SLC44A5: variants seen among roughly 807,000 people sequenced by gnomAD.
SLC44A5 encodes choline transporter-like protein 5.
A neutral mutation model predicts 101.8 loss-of-function variants in SLC44A5; 57 were observed. The observed-to-expected ratio is 0.56, with a 90% CI of 0.45 to 0.70. SLC44A5 has a LOEUF of 0.70. SLC44A5 is among the 30% of genes least tolerant of loss of function. The pLI, the probability that SLC44A5 is intolerant of heterozygous loss-of-function variation, is 0.00. For synonymous variants in SLC44A5, 281 were observed against 290.9 expected (o/e 0.97, Z 0.35); for missense variants, 737 against 853.1 (o/e 0.86, Z 1.70).
chr1:75,451,140 G>A (rs1275403426), intron 2 of SLC44A5, among the ~76,000 whole-genome samples: 1 of 152,196 alleles, frequency 6.6e-6, no homozygotes, highest in Non-Finnish European at 1.5e-5. Flanking sequence ...GCTTGTGCCT[G>A]CCAGCAGGCG....
At chr1:75,252,140 T>C (rs1649630406) in intron 6 of SLC44A5, among the ~76,000 whole-genome samples, 1 of 152,152 alleles carries the variant, frequency 6.6e-6, no homozygotes, top group Non-Finnish European at 1.5e-5. Flanking sequence ...TGTCTAGATA[T>C]TGGGCCCAGG....
intron 2 of SLC44A5, among the ~76,000 whole-genome samples, chr1:75,501,868 T>A (rs1315573961): frequency 6.6e-6 from 1 of 152,216 alleles, no homozygotes; most frequent in Non-Finnish European, 1.5e-5. Flanking sequence ...AAAACAGCGT[T>A]ATACAGCAAA....
At chr1:75,639,444 C>CAG in the SLC44A5 span, among the ~76,000 whole-genome samples, 1 of 152,078 alleles carries the variant, frequency 6.6e-6, no homozygotes, top group Non-Finnish European at 1.5e-5. Context: ...AGGGAAAATA[C>CAG]TACCTCTCTC....
intron 4 of SLC44A5, 103 bp from the exon 5 acceptor site, chr1:75,300,788 G>A (rs886508942): frequency 7.5e-5 from 46 of 612,342 alleles, no homozygotes; most frequent in Admixed American, 3.3e-4. Flanking sequence ...ATAGTGAGAT[G>A]TTATTTCATA....
At chr1:75,679,130 A>G in the SLC44A5 span, among the ~76,000 whole-genome samples, 1 of 152,196 alleles carries the variant, frequency 6.6e-6, no homozygotes, top group African/African-American at 2.4e-5. Flanking sequence ...CCAAATCTAC[A>G]TCTGATTGGT....
chr1:75,698,521 AC>A, the SLC44A5 span, among the ~76,000 whole-genome samples: 1 of 152,248 alleles, frequency 6.6e-6, no homozygotes, highest in Non-Finnish European at 1.5e-5. Flanking sequence ...ATCATCAAAG[AC>A]CAAAACTAGA....
chr1:75,462,780 T>G (rs1666577009), intron 2 of SLC44A5, among the ~76,000 whole-genome samples: 2 of 151,862 alleles, frequency 1.3e-5, no homozygotes, highest in Admixed American at 1.3e-4. Flanking sequence ...ATAACAGAAA[T>G]GATCAAGCAG....
intron 2 of SLC44A5, among the ~76,000 whole-genome samples, chr1:75,459,059 T>C (rs1243849817): frequency 6.6e-6 from 1 of 152,058 alleles, no homozygotes; most frequent in African/African-American, 2.4e-5. Context: ...AAAAAGATAT[T>C]GGTGAGGGAT....
chr1:75,634,907 C>T, the SLC44A5 span, among the ~76,000 whole-genome samples: 4 of 152,106 alleles, frequency 2.6e-5, no homozygotes, highest in East Asian at 1.9e-4. Context: ...GCAACTTACT[C>T]ATCTGACAAA....
At chr1:75,617,575 T>A in the SLC44A5 span, among the ~76,000 whole-genome samples, 15 of 152,228 alleles carry the variant, frequency 9.9e-5, no homozygotes, top group African/African-American at 3.4e-4. Flanking sequence ...CTTCATATAA[T>A]GTAATATATT....
chr1:75,375,984 C>T (rs558092296), intron 3 of SLC44A5, among the ~76,000 whole-genome samples: 63 of 152,224 alleles, frequency 4.1e-4, no homozygotes, highest in African/African-American at 1.3e-3. Flanking sequence ...GTGTGTGCAC[C>T]GTGTGCGAGC....
At chr1:75,442,792 G>A (rs1055044207) in intron 2 of SLC44A5, among the ~76,000 whole-genome samples, 1 of 152,086 alleles carries the variant, frequency 6.6e-6, no homozygotes, top group Non-Finnish European at 1.5e-5. Context: ...CTTGAATAAA[G>A]TTTCTTGACC....
At position 75,497,269 on chromosome 1, in the gene SLC44A5, TGCC is replaced by T. The variant is rs1668725557; in HGVS notation, c.13+44163_13+44165del. On this transcript the variant is annotated intron_variant, in intron 2 of 23. Transcript: ENST00000370859. ...TAGACTGATGAATGGGAAAAAAAATTGCCGTGTGTGTGTGTGGGTGTTTTATTC... is the reference window on the plus strand; with the variant it reads ...TAGACTGATGAATGGGAAAAAAAATTGTGTGTGTGTGTGGGTGTTTTATTC... Among the ~76,000 whole-genome samples the T allele has an allele frequency of 2.0e-5, 3 of 152,044 alleles. No individual in the cohort carries two copies. The Middle Eastern group carries it at 0.01, about 517-fold the overall frequency.
chr1:75,362,497 T>C (rs549790079), intron 3 of SLC44A5, among the ~76,000 whole-genome samples: 1 of 152,186 alleles, frequency 6.6e-6, no homozygotes, highest in African/African-American at 2.4e-5. Flanking sequence ...CATTTTCGTT[T>C]GTATCAAGGC....
the SLC44A5 span, among the ~76,000 whole-genome samples, chr1:75,684,716 C>T: frequency 1.3e-5 from 2 of 152,200 alleles, no homozygotes; most frequent in African/African-American, 4.8e-5. Context: ...GCCCCTGTGG[C>T]TCTGCAGAGT....
At chr1:75,337,336 C>T (rs921871774) in intron 4 of SLC44A5, among the ~76,000 whole-genome samples, 1 of 152,142 alleles carries the variant, frequency 6.6e-6, no homozygotes, top group Non-Finnish European at 1.5e-5. Flanking sequence ...CAAGGCAGTA[C>T]AGGAAGAGAA....
At chr1:75,482,212 C>A (rs1044580713) in intron 2 of SLC44A5, among the ~76,000 whole-genome samples, 1 of 150,218 alleles carries the variant, frequency 6.7e-6, no homozygotes, top group Non-Finnish European at 1.5e-5. Flanking sequence ...TAGGTGGGAA[C>A]TGAACAATGA....
At chr1:75,718,996 A>G in the SLC44A5 span, among the ~76,000 whole-genome samples, 11 of 152,182 alleles carry the variant, frequency 7.2e-5, no homozygotes, top group African/African-American at 1.4e-4. Flanking sequence ...GTAATAGGAC[A>G]CAATTGGAGA....
chr1:75,237,149 T>C, intron 10 of SLC44A5, 79 bp from the exon 11 acceptor site: 1 of 809,434 alleles, frequency 1.2e-6, no homozygotes, highest in East Asian at 2.7e-5. Context: ...ATAAAAGGGA[T>C]TCTGCAAGGT....
Sources: gnomAD v4.1 joint callset for allele counts (sites outside exome capture counted in the v4.1 genomes callset) on GRCh38, gnomAD v4.1.1 for gene constraint, MANE v1.5 for transcripts, NCBI Gene and HGNC (gene_info 2026-07-23, HGNC 2026-07-21) for gene names.